The following DCC variants were observed in gnomAD, a reference collection of about 807,000 sequenced individuals.
DCC encodes netrin receptor DCC.
In DCC, 58 loss-of-function variants were observed where a neutral mutation model predicts 172.5. The observed-to-expected ratio is 0.34, with a 90% CI of 0.27 to 0.42. The LOEUF (loss-of-function observed/expected upper bound fraction) is 0.42, where lower values mean the gene tolerates loss of function less well. DCC is among the 10% of genes least tolerant of loss of function. The pLI, the probability that DCC is intolerant of heterozygous loss-of-function variation, is 1.00. For missense variants in DCC, 1,740 were observed against 1,791.0 expected, an observed-to-expected ratio of 0.97 and a Z score of 0.51; for synonymous variants, 709 against 644.5, an observed-to-expected ratio of 1.10 and a Z score of -1.52.
At chr18:53,202,675 G>T (rs911297583) in intron 9 of DCC, among the ~76,000 whole-genome samples, 33 of 152,232 alleles carry the variant, frequency 2.2e-4, no homozygotes, top group African/African-American at 7.9e-4. Flanking sequence ...GGCTGGGAAG[G>T]CGTAGGGGAC....
At chr18:52,971,248 GT>G in intron 5 of DCC, among the ~76,000 whole-genome samples, 1 of 152,112 alleles carries the variant, frequency 6.6e-6, no homozygotes, top group East Asian at 1.9e-4. Flanking sequence ...TGATTGATTA[GT>G]CATCATATCA....
At chr18:53,333,026 C>T (rs565063353) in intron 14 of DCC, among the ~76,000 whole-genome samples, 5 of 149,614 alleles carry the variant, frequency 3.3e-5, no homozygotes, top group South Asian at 4.2e-4. Context: ...GCTAGCATTG[C>T]GCTACTGCGC....
Position 53,530,771 on chromosome 18 carries a change from C to A in DCC, c.*118C>A, listed in dbSNP as rs1004825558. ...CCAGTGTACAGGTCACCCATCAGGA[C>A]CACTCAGTTAAGGAAGATCCTGAAG... is the stretch of plus-strand genomic sequence containing the variant. On this transcript the variant is annotated 3_prime_UTR_variant, in exon 29 of 29. Coordinates refer to ENST00000442544, the MANE Select transcript of DCC (RefSeq NM_005215.4). 5 of 746,812 alleles carry A rather than the reference C, an allele frequency of 6.7e-6. No individual in the cohort carries two copies. The African/African-American group carries it at 8.6e-5, about 13-fold the overall frequency. The allele number at this position is 746,812 out of a possible 1,614,324, so 46.3% of individuals were successfully genotyped here.
At chr18:53,385,235 A>G (rs1034830719) in intron 15 of DCC, among the ~76,000 whole-genome samples, 17 of 152,132 alleles carry the variant, frequency 1.1e-4, no homozygotes, top group Non-Finnish European at 2.4e-4. Flanking sequence ...AATCTGGAGC[A>G]GGTCTTGTTC....
In DCC at chr18:52,497,326, T is replaced by C. The variant is rs112081667; in HGVS notation, c.91+156448T>C. 5.7e-3 allele frequency among the ~76,000 whole-genome samples: 156 copies of C among 27,494 alleles called. 6 individuals carry two copies. Among genetic ancestry groups the C allele is most frequent in the Middle Eastern group, 0.024 (1 of 42 alleles). 18.0% of individuals were successfully genotyped at this position (27,494 alleles called of 152,430 possible). ...ATATATATATATATACACACACACA[T>C]ATATATACACACGTATGCATATATA... On this transcript the variant is annotated intron_variant, in intron 1 of 28. Coordinates refer to ENST00000442544, the MANE Select transcript of DCC (RefSeq NM_005215.4).
chr18:52,986,166 C>A (rs1248810606), intron 5 of DCC, among the ~76,000 whole-genome samples: 2 of 152,166 alleles, frequency 1.3e-5, no homozygotes, highest in African/African-American at 4.8e-5. Flanking sequence ...GGTGACCTGG[C>A]TGCTTTCACT....
At chr18:53,205,814 T>C (rs1290848655) in intron 10 of DCC, among the ~76,000 whole-genome samples, 2 of 152,112 alleles carry the variant, frequency 1.3e-5, no homozygotes, top group South Asian at 2.1e-4. Context: ...CTACCATTTT[T>C]TAATGTTTTC....
intron 1 of DCC, among the ~76,000 whole-genome samples, chr18:52,597,839 A>G (rs905831834): frequency 6.6e-6 from 1 of 152,212 alleles, no homozygotes; most frequent in Non-Finnish European, 1.5e-5. Flanking sequence ...TCTCTGTTTC[A>G]TGGTTGCAAG....
chr18:53,226,948 A>ATATATATTTTTT, intron 12 of DCC, among the ~76,000 whole-genome samples: 555 of 52,872 alleles, frequency 0.01, 13 homozygotes, highest in Middle Eastern at 0.019. Context: ...ATATATATAT[A>ATATATATTTTTT]TTTTTTTTTT....
At chr18:52,598,609 A>G (rs1598944389) in intron 1 of DCC, among the ~76,000 whole-genome samples, 1 of 152,186 alleles carries the variant, frequency 6.6e-6, no homozygotes, top group Non-Finnish European at 1.5e-5. Flanking sequence ...TGTGCATGTC[A>G]AGGAGCTCAG....
chr18:53,273,466 A>G (rs2056771366), intron 12 of DCC, among the ~76,000 whole-genome samples: 1 of 152,160 alleles, frequency 6.6e-6, no homozygotes, highest in African/African-American at 2.4e-5. Context: ...AATGTCTAGG[A>G]TTTAAAGAAC....
intron 1 of DCC, among the ~76,000 whole-genome samples, chr18:52,466,168 A>G (rs1988778554): frequency 6.6e-6 from 1 of 152,138 alleles, no homozygotes; most frequent in African/African-American, 2.4e-5. Context: ...CTCAGCTCCA[A>G]GCCCTTTAAA....
chr18:53,409,363 G>A (rs1200436882), intron 19 of DCC, among the ~76,000 whole-genome samples: 3 of 152,118 alleles, frequency 2.0e-5, no homozygotes, highest in Non-Finnish European at 4.4e-5. Flanking sequence ...ATCAAAGGAA[G>A]ACACTTGTTC....
At chr18:52,780,168 T>A (rs2037510692) in intron 2 of DCC, among the ~76,000 whole-genome samples, 1 of 152,192 alleles carries the variant, frequency 6.6e-6, no homozygotes, top group Non-Finnish European at 1.5e-5. Flanking sequence ...ACTCTTTACA[T>A]AGTATTTTTA....
chr18:53,136,233 A>G (rs1310081471), intron 7 of DCC, among the ~76,000 whole-genome samples: 1 of 151,630 alleles, frequency 6.6e-6, no homozygotes, highest in Non-Finnish European at 1.5e-5. Flanking sequence ...ACACACACAC[A>G]CATACATGCA....
At chr18:52,349,233 C>G (rs912567247) in intron 1 of DCC, among the ~76,000 whole-genome samples, 2 of 152,146 alleles carry the variant, frequency 1.3e-5, no homozygotes, top group African/African-American at 4.8e-5. Flanking sequence ...TCCCATGGGA[C>G]AGGCTAATGA....
intron 19 of DCC, among the ~76,000 whole-genome samples, chr18:53,406,179 A>G (rs953482382): frequency 4.6e-5 from 7 of 152,166 alleles, no homozygotes; most frequent in Non-Finnish European, 8.8e-5. Flanking sequence ...CTAATATGTA[A>G]GGTTATATTC....
rs547219266 is a variant in DCC, at chr18:53,416,279, G to A, written c.3163+123G>A. 56 of 767,688 alleles carry A rather than the reference G, an allele frequency of 7.3e-5. 1 individual carries two copies. Among genetic ancestry groups the A allele is most frequent in the South Asian group, 7.0e-4 (49 of 69,562 alleles). 47.6% of individuals were successfully genotyped at this position (767,688 alleles called of 1,614,324 possible). Reference sequence around the variant, plus strand: ...TACACCTGATGAAGCAGACACTGGCGTGACGATTAATCTTGTTAATGAAGT... The same window carrying A: ...TACACCTGATGAAGCAGACACTGGCATGACGATTAATCTTGTTAATGAAGT... On this transcript the variant is annotated intron_variant, in intron 21 of 28. Coordinates refer to ENST00000442544, the MANE Select transcript of DCC (RefSeq NM_005215.4).
chr18:53,310,279 A>G (rs1323407149), intron 13 of DCC, among the ~76,000 whole-genome samples: 1 of 152,164 alleles, frequency 6.6e-6, no homozygotes, highest in African/African-American at 2.4e-5. Flanking sequence ...GATTTTCCAT[A>G]TAAATCTACA....
Sources: gnomAD v4.1 joint callset for allele counts (sites outside exome capture counted in the v4.1 genomes callset) on GRCh38, gnomAD v4.1.1 for gene constraint, MANE v1.5 for transcripts, NCBI Gene and HGNC (gene_info 2026-07-23, HGNC 2026-07-21) for gene names.